Variants in PTPRD observed in about 807,000 individuals in gnomAD.
The protein encoded by PTPRD is protein tyrosine phosphatase receptor type D, also known as receptor-type tyrosine-protein phosphatase delta.
A neutral mutation model predicts 214.5 loss-of-function variants in PTPRD; 34 were observed. That is an observed-to-expected ratio of 0.16 (90% CI 0.12 to 0.21). The LOEUF is 0.21. Among genes scored for constraint, PTPRD ranks in the 10% least tolerant of loss-of-function variants. The probability of loss-of-function intolerance (pLI) is 1.00; values close to 1 mark genes in which losing one functional copy is unlikely to be tolerated. For missense variants in PTPRD, 2,545 were observed against 2,398.7 expected, an observed-to-expected ratio of 1.06 and a Z score of -1.27; for synonymous variants, 1,128 against 845.7, an observed-to-expected ratio of 1.33 and a Z score of -5.79.
chr9:8,897,036 T>C (rs184049435), intron 11 of PTPRD, among the ~76,000 whole-genome samples: 4 of 152,340 alleles, frequency 2.6e-5, no homozygotes, highest in Non-Finnish European at 5.9e-5. Flanking sequence ...AACTTTAATA[T>C]ATCTACAATA....
intron 6 of PTPRD, among the ~76,000 whole-genome samples, chr9:9,753,769 C>A (rs879688573): frequency 2.0e-5 from 3 of 151,960 alleles, no homozygotes; most frequent in Non-Finnish European, 4.4e-5. Flanking sequence ...ATTTTAAATT[C>A]AGAGGTCACC....
intron 42 of PTPRD, among the ~76,000 whole-genome samples, chr9:8,339,555 C>G (rs1850389066): frequency 6.6e-6 from 1 of 152,106 alleles, no homozygotes; most frequent in South Asian, 2.1e-4. Context: ...AATGACTTGG[C>G]TAAACCCTGC....
intron 11 of PTPRD, among the ~76,000 whole-genome samples, chr9:8,978,503 T>C (rs985972945): frequency 3.9e-5 from 6 of 152,118 alleles, no homozygotes; most frequent in African/African-American, 1.2e-4. Flanking sequence ...GGTGCCTCTA[T>C]GCAAAATTGA....
At chr9:9,386,252 G>A (rs747770084) in intron 9 of PTPRD, among the ~76,000 whole-genome samples, 1 of 152,114 alleles carries the variant, frequency 6.6e-6, no homozygotes, top group African/African-American at 2.4e-5. Flanking sequence ...TGGCAGGCAT[G>A]AGTCTACAGA....
intron 2 of PTPRD, among the ~76,000 whole-genome samples, chr9:10,346,013 A>G (rs531350245): frequency 2.6e-5 from 4 of 152,260 alleles, no homozygotes; most frequent in South Asian, 2.1e-4. Flanking sequence ...CTAATAACCA[A>G]TATCAATCAT....
intron 14 of PTPRD, among the ~76,000 whole-genome samples, chr9:8,533,423 G>A (rs557317185): frequency 4.6e-5 from 7 of 152,084 alleles, no homozygotes; most frequent in African/African-American, 7.2e-5. Flanking sequence ...AAGAAAAAGC[G>A]TGTCAATTAC....
chr9:9,083,300 A>G (rs1345633415), intron 10 of PTPRD, among the ~76,000 whole-genome samples: 1 of 152,184 alleles, frequency 6.6e-6, no homozygotes, highest in Non-Finnish European at 1.5e-5. Context: ...AAGAATGGGG[A>G]AAGGATTCCC....
intron 11 of PTPRD, among the ~76,000 whole-genome samples, chr9:8,753,946 A>G (rs1251425904): frequency 1.3e-5 from 2 of 152,108 alleles, no homozygotes; most frequent in African/African-American, 4.8e-5. Context: ...GGAGTTCAAG[A>G]CCAGCCAAGC....
At chr9:10,450,945 T>G (rs1239287140) in intron 2 of PTPRD, among the ~76,000 whole-genome samples, 2 of 151,988 alleles carry the variant, frequency 1.3e-5, no homozygotes, top group Non-Finnish European at 2.9e-5. Flanking sequence ...AATCTCTAAG[T>G]ACTCTGAGAA....
intron 12 of PTPRD, among the ~76,000 whole-genome samples, chr9:8,643,764 C>A (rs11793328): frequency 0.16 from 24,906 of 152,094 alleles, 2,494 homozygotes; most frequent in African/African-American, 0.28. Flanking sequence ...AGGTACTGAC[C>A]AGGGTGGAAG....
At chr9:8,629,284 T>C (rs950986449) in intron 14 of PTPRD, among the ~76,000 whole-genome samples, 1 of 151,834 alleles carries the variant, frequency 6.6e-6, no homozygotes, top group African/African-American at 2.4e-5. Flanking sequence ...CCTTGGACTC[T>C]TACTAGAAAG....
chr9:10,128,002 T>C lies in PTPRD; in HGVS notation c.-544-94212A>G, dbSNP rs559626856. On this transcript the variant is annotated intron_variant, in intron 3 of 45. Transcript: ENST00000381196. ...TATTATGCTTCTGTTTGACATCATG[T>C]TTGGAGAAAGGCCTTGGTAGCTACA... is the stretch of plus-strand genomic sequence containing the variant. Among the ~76,000 whole-genome samples the C allele has an allele frequency of 1.8e-4, 28 of 152,258 alleles. No individual in the cohort carries two copies. In the South Asian group the frequency reaches 5.6e-3, roughly 30 times the overall value.
At chr9:9,421,939 C>G (rs1397613218) in intron 8 of PTPRD, among the ~76,000 whole-genome samples, 1 of 150,630 alleles carries the variant, frequency 6.6e-6, no homozygotes, top group East Asian at 1.9e-4. Context: ...AAAAAACAAA[C>G]AAACAAACAA....
intron 11 of PTPRD, among the ~76,000 whole-genome samples, chr9:8,745,780 G>C (rs1007397289): frequency 1.7e-5 from 2 of 120,632 alleles, no homozygotes; most frequent in Non-Finnish European, 3.5e-5. Context: ...CTATTTTATG[G>C]AGTTTCTCTC....
At chr9:9,295,046 A>G (rs1206206733) in intron 9 of PTPRD, among the ~76,000 whole-genome samples, 2 of 151,752 alleles carry the variant, frequency 1.3e-5, no homozygotes, top group Admixed American at 1.3e-4. Context: ...TTTGATTTTT[A>G]AAATTATCTT....
At chr9:9,091,315 A>T (rs1406382638) in intron 10 of PTPRD, 23 of 1,000,682 alleles carry the variant, frequency 2.3e-5, no homozygotes, top group African/African-American at 3.2e-5. Context: ...TTGTACTTTA[A>T]AAAAAAAATT....
chr9:10,399,390 C>T (rs936196854), intron 2 of PTPRD, among the ~76,000 whole-genome samples: 1 of 151,904 alleles, frequency 6.6e-6, no homozygotes, highest in Non-Finnish European at 1.5e-5. Context: ...AGAAATACAA[C>T]ATTAACATTA....
chr9:9,417,453 C>T (rs570963616), intron 8 of PTPRD, among the ~76,000 whole-genome samples: 16 of 152,134 alleles, frequency 1.1e-4, no homozygotes, highest in Non-Finnish European at 8.8e-5. Flanking sequence ...AATCCAAAAA[C>T]ATTTGGAACA....
At chr9:8,924,178 G>C (rs185002569) in intron 11 of PTPRD, among the ~76,000 whole-genome samples, 2 of 152,098 alleles carry the variant, frequency 1.3e-5, no homozygotes, top group Non-Finnish European at 2.9e-5. Context: ...TTCTGAGAAA[G>C]GGAGTTTAAA....
Sources: allele counts gnomAD v4.1 joint callset (sites outside exome capture counted in the v4.1 genomes callset), GRCh38; gene constraint gnomAD v4.1.1; transcripts MANE v1.5; gene names NCBI Gene and HGNC (gene_info 2026-07-23, HGNC 2026-07-21).